Variants in RPN2 observed in about 807,000 individuals in gnomAD.
The protein encoded by RPN2 is ribophorin II, also known as dolichyl-diphosphooligosaccharide--protein glycosyltransferase subunit 2.
A neutral mutation model predicts 71.4 loss-of-function variants in RPN2; 29 were observed. The observed-to-expected ratio is 0.41, with a 90% CI of 0.30 to 0.55. The LOEUF (loss-of-function observed/expected upper bound fraction) is 0.55, where lower values mean the gene tolerates loss of function less well. RPN2 is among the 20% of genes least tolerant of loss of function. RPN2 has a pLI of 0.35. For synonymous variants in RPN2, 308 were observed against 305.0 expected, an observed-to-expected ratio of 1.01 and a Z score of -0.10; for missense variants, 726 against 774.1, an observed-to-expected ratio of 0.94 and a Z score of 0.74.
rs747699518 is a variant in RPN2 at position 37,213,859 on chromosome 20, C to T, written c.1086C>T (p.Thr362=). ...GTGACAACCGGTATATTGCAAATAC[C>T]GTAGAGGTAGGTGTTTTTCTTTCCT... ...VEGDNRYIAN[T]VELRVKISTE... The change falls in exon 9 of 17, where the codon ACC becomes ACT. Residue 362 remains threonine (T), a synonymous_variant. Transcript: ENST00000237530. 70 of 1,610,098 alleles carry T rather than the reference C, an allele frequency of 4.3e-5. No individual in the cohort carries two copies. Among genetic ancestry groups the T allele is most frequent in the Middle Eastern group, 1.6e-4 (1 of 6,080 alleles).
intron 8 of RPN2, among the ~76,000 whole-genome samples, chr20:37,211,995 G>T (rs1448191407): frequency 1.3e-5 from 2 of 152,198 alleles, no homozygotes; most frequent in Non-Finnish European, 2.9e-5. Flanking sequence ...GATTATAGGC[G>T]TGTGACCTCA....
intron 14 of RPN2, among the ~76,000 whole-genome samples, chr20:37,232,891 G>A (rs1356621555): frequency 6.6e-6 from 1 of 152,126 alleles, no homozygotes; most frequent in Non-Finnish European, 1.5e-5. Context: ...CAAGGGGTAG[G>A]GTAGTGTGTT....
At chr20:37,219,967 A>AT (rs1168875051) in intron 9 of RPN2, among the ~76,000 whole-genome samples, 1 of 152,230 alleles carries the variant, frequency 6.6e-6, no homozygotes, top group Non-Finnish European at 1.5e-5. Context: ...ACAGCTTGGC[A>AT]TTTTGTAACA....
Position 37,219,591 on chromosome 20 carries a change from TTTG to T in RPN2, c.1093-4275_1093-4273del, listed in dbSNP as rs199966421. 4.9e-3 allele frequency among the ~76,000 whole-genome samples: 751 copies of T among 152,290 alleles called. 8 individuals are homozygous for T. The highest frequency in any genetic ancestry group is 0.017 in the African/African-American group (711 of 41,562). ...TTGATGAAGTCCAGTTTTAAAATGT[TTTG>T]TTGTTGTTGTTTGTGCTTTAGGTGT... is the stretch of plus-strand genomic sequence containing the variant. On this transcript the variant is annotated intron_variant, in intron 9 of 16. Transcript: ENST00000237530.
chr20:37,206,930 C>T (rs1215320690), intron 6 of RPN2, among the ~76,000 whole-genome samples: 7 of 152,012 alleles, frequency 4.6e-5, no homozygotes, highest in Non-Finnish European at 8.8e-5. Context: ...AGGCTGGTCT[C>T]GAACTCCTGA....
At chr20:37,233,773 A>G (rs2068310879) in intron 14 of RPN2, among the ~76,000 whole-genome samples, 2 of 152,290 alleles carry the variant, frequency 1.3e-5, no homozygotes, top group South Asian at 4.1e-4. Flanking sequence ...ATTAAAAATG[A>G]TGTTCAGGTT....
In RPN2 at chr20:37,210,220, G is replaced by T. The variant is rs976218575; in HGVS notation, c.986+55G>T. 7.5e-6 allele frequency: 12 copies of T among 1,607,900 alleles called. No homozygotes were observed. In the African/African-American group the frequency reaches 1.2e-4, roughly 16 times the overall value. On this transcript the variant is annotated intron_variant, in intron 8 of 16. Transcript: ENST00000237530. ...CTGACCTCTTTGTTTTGGAAAGTTA[G>T]CCTGCAGCCAGTGTAACAGATTAAT... is the stretch of plus-strand genomic sequence containing the variant.
intron 9 of RPN2, among the ~76,000 whole-genome samples, chr20:37,221,219 G>A (rs117984630): frequency 0.085 from 12,499 of 146,934 alleles, 681 homozygotes; most frequent in Non-Finnish European, 0.12. Context: ...TTTTTGAGGC[G>A]GAGCCTTGCC....
At chr20:37,189,473 A>G (rs188328390) in intron 2 of RPN2, among the ~76,000 whole-genome samples, 6 of 152,326 alleles carry the variant, frequency 3.9e-5, no homozygotes, top group African/African-American at 1.4e-4. Flanking sequence ...GGTCCTTTAC[A>G]GAAAAAGTTT....
intron 10 of RPN2, among the ~76,000 whole-genome samples, chr20:37,225,464 T>A (rs2068053942): frequency 6.6e-6 from 1 of 152,190 alleles, no homozygotes; most frequent in East Asian, 1.9e-4. Context: ...ACACAGCATT[T>A]CCCCAGATCC....
intron 12 of RPN2, chr20:37,229,765 CT>C: frequency 1.6e-6 from 1 of 611,126 alleles, no homozygotes; most frequent in Non-Finnish European, 2.9e-6. Context: ...AATTAGAAGT[CT>C]TGCTCTAAAA....
At chr20:37,185,334 G>A (rs753751549) in intron 2 of RPN2, among the ~76,000 whole-genome samples, 5 of 151,938 alleles carry the variant, frequency 3.3e-5, no homozygotes, top group Middle Eastern at 3.4e-3. Context: ...ATGGGGTTTT[G>A]CCATGTTGCC....
intron 2 of RPN2, among the ~76,000 whole-genome samples, chr20:37,191,528 G>T (rs901241657): frequency 6.6e-6 from 1 of 151,928 alleles, no homozygotes; most frequent in African/African-American, 2.4e-5. Context: ...GTACTTTGGG[G>T]ATGCCGAGGC....
At chr20:37,184,129 A>C in intron 1 of RPN2, 51 bp from the exon 2 acceptor site, 1 of 1,603,772 alleles carries the variant, frequency 6.2e-7, no homozygotes, top group Non-Finnish European at 8.5e-7. Context: ...GGGACTGTGT[A>C]TAGCACCTTG....
chr20:37,182,672 G>A (rs920944728), intron 1 of RPN2, among the ~76,000 whole-genome samples: 5 of 152,200 alleles, frequency 3.3e-5, no homozygotes, highest in African/African-American at 1.2e-4. Context: ...TGGGATTACA[G>A]AAGTGAGCCA....
Position 37,241,590 on chromosome 20 carries a change from G to T in RPN2, c.*275G>T. The T allele has an allele frequency of 2.0e-6, 1 of 495,738 alleles. No individual in the cohort carries two copies. The highest frequency in any genetic ancestry group is 3.7e-6 in the Non-Finnish European group (1 of 273,610). The allele number at this position is 495,738 out of a possible 1,614,324, so 30.7% of individuals were successfully genotyped here. On this transcript the variant is annotated 3_prime_UTR_variant, in exon 17 of 17. Coordinates refer to ENST00000237530, the MANE Select transcript of RPN2 (RefSeq NM_002951.5). ...TTTTGAAAAGTTGAAATGTGTAATT[G>T]TTTTGGAATAAAGAGGGTAACAATA...
chr20:37,225,659 T>G (rs2068057639), intron 10 of RPN2, 29 bp from the exon 11 acceptor site: 4 of 1,459,168 alleles, frequency 2.7e-6, no homozygotes, highest in Non-Finnish European at 3.9e-6. Flanking sequence ...TGATCCTCTC[T>G]GAAGACTAAC....
intron 3 of RPN2, 30 bp downstream of exon 3, chr20:37,198,522 C>CT (rs775226531): frequency 1.4e-5 from 23 of 1,613,864 alleles, no homozygotes; most frequent in Admixed American, 6.7e-5. Flanking sequence ...CTGACAATGA[C>CT]TTTAACTATT....
intron 7 of RPN2, among the ~76,000 whole-genome samples, chr20:37,209,680 C>A (rs1830787093): frequency 6.6e-6 from 1 of 151,274 alleles, no homozygotes; most frequent in South Asian, 2.1e-4. Flanking sequence ...CGAGGTCTTG[C>A]CATGTTGCCC....
Sources: gnomAD v4.1 joint callset for allele counts (sites outside exome capture counted in the v4.1 genomes callset) on GRCh38, gnomAD v4.1.1 for gene constraint, MANE v1.5 for transcripts, NCBI Gene and HGNC (gene_info 2026-07-23, HGNC 2026-07-21) for gene names.